MAF: variants seen among roughly 807,000 people sequenced by gnomAD.
MAF encodes the protein transcription factor Maf.
A neutral mutation model predicts 22.0 loss-of-function variants in MAF; 10 were observed. The observed-to-expected ratio is 0.45, with a 90% CI of 0.28 to 0.77. MAF has a LOEUF of 0.77. Ranked by LOEUF, MAF falls within the 30% of genes least tolerant of loss-of-function variation. MAF has a pLI of 0.12. For missense variants in MAF, 544 were observed against 548.4 expected (o/e 0.99, Z 0.08); for synonymous variants, 337 against 255.8 (o/e 1.32, Z -3.03).
chr16:79,373,323 T>G, the MAF span, among the ~76,000 whole-genome samples: 1 of 147,538 alleles, frequency 6.8e-6, no homozygotes. Flanking sequence ...AATTCATCTA[T>G]GGGTTAATCA....
At chr16:79,419,544 C>T in the MAF span, among the ~76,000 whole-genome samples, 16 of 152,176 alleles carry the variant, frequency 1.1e-4, no homozygotes, top group South Asian at 2.1e-4. Flanking sequence ...CGCACTGAGC[C>T]GGGCAACTCT....
chr16:79,240,487 GAAAAAAAAAAAAAA>G, the MAF span, among the ~76,000 whole-genome samples: 133 of 60,668 alleles, frequency 2.2e-3, no homozygotes, highest in Middle Eastern at 0.01. Context: ...AGCATCTCTG[GAAAAAAAAAAAAAA>G]AAAAAAAAAA....
the MAF span, among the ~76,000 whole-genome samples, chr16:79,531,281 C>T: frequency 1.3e-5 from 2 of 152,118 alleles, no homozygotes; most frequent in Non-Finnish European, 2.9e-5. Context: ...CTATCCTCTG[C>T]ATCTCATCTC....
At chr16:79,503,748 C>T in the MAF span, among the ~76,000 whole-genome samples, 3 of 152,126 alleles carry the variant, frequency 2.0e-5, no homozygotes, top group Non-Finnish European at 2.9e-5. Flanking sequence ...ATTGTGTGGC[C>T]CAATCAGAGC....
At chr16:79,598,126 T>C in intron 1 of MAF, 1 of 1,043,680 alleles carries the variant, frequency 9.6e-7, no homozygotes, top group Non-Finnish European at 1.2e-6. Context: ...GCAAGCTCAA[T>C]CTCACATGAA....
the MAF span, among the ~76,000 whole-genome samples, chr16:79,332,116 T>A: frequency 6.6e-6 from 1 of 152,118 alleles, no homozygotes; most frequent in Non-Finnish European, 1.5e-5. Context: ...GTAGAATGAA[T>A]TGTCAGACAA....
the MAF span, among the ~76,000 whole-genome samples, chr16:79,240,096 G>A: frequency 1.7e-4 from 26 of 152,018 alleles, no homozygotes; most frequent in East Asian, 4.8e-3. Flanking sequence ...GCAATGCAAA[G>A]GTGATAGAGC....
At position 79,594,426 on chromosome 16, in the gene MAF, T is replaced by C; in HGVS notation, c.*34A>G. 6.6e-7 allele frequency: 1 copy of C among 1,525,020 alleles called. No individual in the cohort carries two copies. The highest frequency in any genetic ancestry group is 1.2e-5 in the South Asian group (1 of 83,410). The allele number at this position is 1,525,020 out of a possible 1,614,324, so 94.5% of individuals were successfully genotyped here. ...TGACTGCAAATAATAATAATAATGA[T>C]GATTTTTTTTAATGTACAGCTCTCA... On this transcript the variant is annotated 3_prime_UTR_variant, in exon 2 of 2. Coordinates refer to ENST00000326043, the MANE Select transcript of MAF (RefSeq NM_005360.5).
chr16:79,269,862 G>T, the MAF span, among the ~76,000 whole-genome samples: 2 of 152,108 alleles, frequency 1.3e-5, no homozygotes, highest in Non-Finnish European at 2.9e-5. Context: ...TAAGGGAGAG[G>T]TTTGGCCTTA....
the MAF span, among the ~76,000 whole-genome samples, chr16:79,399,588 C>T: frequency 6.6e-6 from 1 of 152,088 alleles, no homozygotes; most frequent in Non-Finnish European, 1.5e-5. Context: ...AAATCAGGGG[C>T]TTGTCACTGA....
the MAF span, among the ~76,000 whole-genome samples, chr16:79,281,878 A>G: frequency 4.6e-5 from 7 of 152,134 alleles, no homozygotes; most frequent in Non-Finnish European, 2.9e-5. Context: ...TCCTGTATTA[A>G]TTGTAGAACC....
the MAF span, among the ~76,000 whole-genome samples, chr16:79,449,301 G>T: frequency 6.6e-6 from 1 of 152,154 alleles, no homozygotes; most frequent in South Asian, 2.1e-4. Flanking sequence ...ATGGGCCACT[G>T]GTACTGGTCT....
At chr16:79,288,602 T>C in the MAF span, among the ~76,000 whole-genome samples, 1 of 152,222 alleles carries the variant, frequency 6.6e-6, no homozygotes, top group East Asian at 1.9e-4. Flanking sequence ...CATTAAGTTT[T>C]GGGAAGGTGT....
chr16:79,236,038 A>G, the MAF span, among the ~76,000 whole-genome samples: 1 of 152,080 alleles, frequency 6.6e-6, no homozygotes, highest in Non-Finnish European at 1.5e-5. Flanking sequence ...AATCTCAGCC[A>G]GAGGCTGAAA....
the MAF span, among the ~76,000 whole-genome samples, chr16:79,420,012 T>TC: frequency 1.1e-4 from 17 of 152,020 alleles, no homozygotes; most frequent in African/African-American, 4.1e-4. Context: ...CGGTTTTTTT[T>TC]TTTCTTTCTT....
At chr16:79,305,747 G>A in the MAF span, among the ~76,000 whole-genome samples, 7 of 152,194 alleles carry the variant, frequency 4.6e-5, no homozygotes. Flanking sequence ...AGCAGAGAGA[G>A]GAATTTACTG....
chr16:79,456,723 C>G, the MAF span, among the ~76,000 whole-genome samples: 3 of 152,072 alleles, frequency 2.0e-5, no homozygotes, highest in African/African-American at 7.2e-5. Flanking sequence ...TTCTTCACAC[C>G]CTAGAAACAG....
the MAF span, among the ~76,000 whole-genome samples, chr16:79,464,679 A>G: frequency 6.6e-6 from 1 of 152,206 alleles, no homozygotes; most frequent in Non-Finnish European, 1.5e-5. Context: ...AAACCATGAC[A>G]ACTGGTAGTA....
At chr16:79,294,596 G>C in the MAF span, among the ~76,000 whole-genome samples, 1 of 152,190 alleles carries the variant, frequency 6.6e-6, no homozygotes, top group Non-Finnish European at 1.5e-5. Flanking sequence ...TTATCAGGAA[G>C]TAGTATCTTA....
Sources: gnomAD v4.1 joint callset for allele counts (sites outside exome capture counted in the v4.1 genomes callset) on GRCh38, gnomAD v4.1.1 for gene constraint, MANE v1.5 for transcripts, NCBI Gene and HGNC (gene_info 2026-07-23, HGNC 2026-07-21) for gene names.